The following DMGDH variants were observed in gnomAD, a reference collection of about 807,000 sequenced individuals.
The protein encoded by DMGDH is dimethylglycine dehydrogenase, also known as dimethylglycine dehydrogenase, mitochondrial.
In DMGDH, 76 loss-of-function variants were observed where a neutral mutation model predicts 95.2. The ratio of observed to expected loss-of-function variants is 0.80; its 90% CI spans 0.66 to 0.97. The LOEUF is 0.97. DMGDH is among the 50% of genes least tolerant of loss of function. The pLI is 0.00. For synonymous variants in DMGDH, 345 were observed against 377.6 expected, an observed-to-expected ratio of 0.91 and a Z score of 1.00; for missense variants, 987 against 1,055.0, an observed-to-expected ratio of 0.94 and a Z score of 0.89.
chr5:79,017,571 T>C (rs189985203), intron 14 of DMGDH, among the ~76,000 whole-genome samples: 29 of 152,292 alleles, frequency 1.9e-4, no homozygotes, highest in Admixed American at 6.5e-4. Flanking sequence ...CTATAATATA[T>C]AAAATGGCAC....
intron 13 of DMGDH, among the ~76,000 whole-genome samples, chr5:79,025,499 T>A (rs2112618307): frequency 6.6e-6 from 1 of 152,318 alleles, no homozygotes; most frequent in Non-Finnish European, 1.5e-5. Flanking sequence ...TCCCCTTCAA[T>A]CAAATGCACT....
At chr5:79,042,743 A>G (rs1754546655) in intron 6 of DMGDH, among the ~76,000 whole-genome samples, 1 of 150,658 alleles carries the variant, frequency 6.6e-6, no homozygotes, top group Admixed American at 6.7e-5. Flanking sequence ...TGAATAATAT[A>G]GTTTCTGATA....
At chr5:79,069,112 T>C (rs58776338) in intron 1 of DMGDH, among the ~76,000 whole-genome samples, 2,284 of 152,296 alleles carry the variant, frequency 0.015, 41 homozygotes, top group Admixed American at 0.021. Context: ...TGTAGAATAT[T>C]GACAGGATGG....
chr5:79,009,003 A>T (rs943116735), intron 14 of DMGDH, among the ~76,000 whole-genome samples: 1 of 152,114 alleles, frequency 6.6e-6, no homozygotes, highest in Admixed American at 6.5e-5. Flanking sequence ...TTTTATCCAT[A>T]TTTTTTTAAA....
intron 15 of DMGDH, among the ~76,000 whole-genome samples, chr5:79,004,548 T>A (rs534863829): frequency 6.6e-6 from 1 of 152,196 alleles, no homozygotes; most frequent in African/African-American, 2.4e-5. Flanking sequence ...GTCCCACATA[T>A]GCCTGCTAAC....
intron 13 of DMGDH, 148 bp from the exon 14 acceptor site, chr5:79,024,478 A>G: frequency 1.4e-6 from 1 of 734,980 alleles, no homozygotes; most frequent in Non-Finnish European, 2.3e-6. Context: ...GGTTTTGAAA[A>G]CAATTTTTTA....
At chr5:79,062,256 T>C (rs1030602967) in intron 2 of DMGDH, among the ~76,000 whole-genome samples, 15 of 151,904 alleles carry the variant, frequency 9.9e-5, no homozygotes, top group African/African-American at 3.6e-4. Context: ...GATTACTCTC[T>C]AGCATTGATA....
intron 14 of DMGDH, chr5:79,021,517 G>A (rs1753865630): frequency 3.9e-6 from 5 of 1,278,976 alleles, no homozygotes; most frequent in Non-Finnish European, 5.1e-6. Context: ...GGGCCACTGC[G>A]CCGTCTCCCT....
Position 78,997,747 on chromosome 5 carries a change from T to C in DMGDH, c.*335A>G. On this transcript the variant is annotated 3_prime_UTR_variant, in exon 16 of 16. Transcript: ENST00000255189. ...AGCTGTCAAGAACCGAATGCATTTG[T>C]TACTAAAATTATAAAATGTCCCTTA... The C allele has an allele frequency of 4.0e-6, 1 of 251,712 alleles. No individual in the cohort carries two copies. The allele number at this position is 251,712 out of a possible 1,614,324, so 15.6% of individuals were successfully genotyped here. A position where few individuals can be genotyped will look rare whatever the true frequency, so the allele number is the denominator to read the frequency against.
intron 13 of DMGDH, among the ~76,000 whole-genome samples, chr5:79,025,144 C>T (rs1055779323): frequency 1.3e-5 from 2 of 152,172 alleles, no homozygotes; most frequent in African/African-American, 4.8e-5. Context: ...CAGAGGATTG[C>T]AGTGCCAACA....
intron 2 of DMGDH, among the ~76,000 whole-genome samples, chr5:79,057,611 T>G (rs570128927): frequency 6.6e-6 from 1 of 152,080 alleles, no homozygotes; most frequent in African/African-American, 2.4e-5. Context: ...TCCATTACAA[T>G]GCACCTGTAA....
Position 79,033,281 on chromosome 5 carries a change from T to A in DMGDH, c.1321A>T (p.Thr441Ser). 1 of 1,614,218 alleles carries A rather than the reference T, an allele frequency of 6.2e-7. No individual in the cohort carries two copies. Among genetic ancestry groups the A allele is most frequent in the Non-Finnish European group, 8.5e-7 (1 of 1,180,034 alleles). The change falls in exon 8 of 16, where the codon ACT becomes TCT. Residue 441 changes from threonine to serine, a missense_variant. By Grantham distance (58) the Thr-to-Ser change is moderately conservative. Transcript: ENST00000255189. ...TATGATTCTCTTGCTTTGGCCTCAG[T>A]GTACTGGGTTGTTGTCCATTTGCCA... ...RYGKWTTTQY[T>S]EAKARESYGF...
chr5:79,053,279 AG>A (rs1261741925), intron 4 of DMGDH, among the ~76,000 whole-genome samples: 4 of 152,110 alleles, frequency 2.6e-5, no homozygotes, highest in African/African-American at 9.7e-5. Flanking sequence ...CAGCCTCCCA[AG>A]TAGCTAGGAC....
chr5:79,056,177 G>A (rs76040341), intron 2 of DMGDH, among the ~76,000 whole-genome samples: 94 of 152,252 alleles, frequency 6.2e-4, no homozygotes, highest in African/African-American at 2.1e-3. Flanking sequence ...CATGGATAGC[G>A]TTGTACAGAG....
rs1036744788 is a variant in DMGDH at position 79,021,776 on chromosome 5, G to A, written c.2250+2495C>T. On this transcript the variant is annotated intron_variant, in intron 14 of 15. Transcript: ENST00000255189. ...CATACAAACAATATATGTTACCAGA[G>A]AGAGAAATTCTTGGGCAGTCTTTCA... The A allele has an allele frequency of 1.4e-4, 174 of 1,212,644 alleles. 2 individuals are homozygous for A. The highest frequency in any genetic ancestry group is 1.3e-3 in the Middle Eastern group (6 of 4,558). The allele number at this position is 1,212,644 out of a possible 1,614,324, so 75.1% of individuals were successfully genotyped here.
intron 1 of DMGDH, among the ~76,000 whole-genome samples, chr5:79,068,071 T>C (rs1755432163): frequency 6.6e-6 from 1 of 152,070 alleles, no homozygotes; most frequent in Non-Finnish European, 1.5e-5. Context: ...GTGCACACCA[T>C]GACACCCAGT....
At chr5:79,039,777 G>C (rs73130201) in intron 7 of DMGDH, among the ~76,000 whole-genome samples, 2,501 of 152,116 alleles carry the variant, frequency 0.016, 67 homozygotes, top group African/African-American at 0.057. Context: ...CCAGGGAGTG[G>C]AGAAGAGATA....
chr5:79,018,643 C>A (rs1753794118), intron 14 of DMGDH, among the ~76,000 whole-genome samples: 3 of 152,056 alleles, frequency 2.0e-5, no homozygotes, highest in Admixed American at 6.5e-5. Context: ...TATCAAATTG[C>A]TTACTTTAAA....
chr5:79,002,115 T>C (rs1753462935), intron 15 of DMGDH, among the ~76,000 whole-genome samples: 1 of 152,230 alleles, frequency 6.6e-6, no homozygotes, highest in African/African-American at 2.4e-5. Flanking sequence ...TTATGAGAAG[T>C]CTCTATCTGA....
Sources: allele counts gnomAD v4.1 joint callset (sites outside exome capture counted in the v4.1 genomes callset), GRCh38; gene constraint gnomAD v4.1.1; transcripts MANE v1.5; gene names NCBI Gene and HGNC (gene_info 2026-07-23, HGNC 2026-07-21).